Variants in PTPRD observed in about 807,000 individuals in gnomAD.
PTPRD encodes the protein protein tyrosine phosphatase receptor type D.
A neutral mutation model predicts 214.5 loss-of-function variants in PTPRD; 34 were observed. The ratio of observed to expected loss-of-function variants is 0.16; its 90% CI spans 0.12 to 0.21. PTPRD has a LOEUF of 0.21. PTPRD is among the 10% of genes least tolerant of loss of function. The probability of loss-of-function intolerance (pLI) is 1.00; values close to 1 mark genes in which losing one functional copy is unlikely to be tolerated. For missense variants in PTPRD, 2,545 were observed against 2,398.7 expected (o/e 1.06, Z -1.27); for synonymous variants, 1,128 against 845.7 (o/e 1.33, Z -5.79).
At chr9:8,399,803 C>T (rs752185492) in intron 36 of PTPRD, among the ~76,000 whole-genome samples, 4 of 152,120 alleles carry the variant, frequency 2.6e-5, no homozygotes, top group African/African-American at 4.8e-5. Context: ...TCTGGGCCTG[C>T]GTAGACTAAT....
intron 11 of PTPRD, among the ~76,000 whole-genome samples, chr9:8,770,779 T>A (rs10977289): frequency 0.11 from 16,461 of 151,978 alleles, 988 homozygotes; most frequent in Non-Finnish European, 0.13. Context: ...AAACGTCAAA[T>A]ATTCAAACTC....
At chr9:9,054,271 G>A (rs992434392) in intron 10 of PTPRD, among the ~76,000 whole-genome samples, 3 of 152,092 alleles carry the variant, frequency 2.0e-5, no homozygotes, top group Admixed American at 6.5e-5. Flanking sequence ...TCATTGTCAC[G>A]AATAAATGAG....
At chr9:8,658,718 T>A (rs1282888965) in intron 12 of PTPRD, among the ~76,000 whole-genome samples, 1 of 152,042 alleles carries the variant, frequency 6.6e-6, no homozygotes, top group Non-Finnish European at 1.5e-5. Context: ...TTCTCCTTTT[T>A]TTGTCCTTTT....
At chr9:10,301,919 A>G (rs935778336) in intron 3 of PTPRD, among the ~76,000 whole-genome samples, 11 of 152,120 alleles carry the variant, frequency 7.2e-5, no homozygotes, top group Non-Finnish European at 1.2e-4. Context: ...AAATACAGAG[A>G]ACACCACAAA....
At chr9:10,310,053 T>G (rs1269811843) in intron 3 of PTPRD, among the ~76,000 whole-genome samples, 1 of 152,094 alleles carries the variant, frequency 6.6e-6, no homozygotes, top group Non-Finnish European at 1.5e-5. Flanking sequence ...CTGGGAACTC[T>G]TCCTCACAAT....
intron 12 of PTPRD, among the ~76,000 whole-genome samples, chr9:8,720,456 T>C (rs1288063607): frequency 1.3e-5 from 2 of 152,112 alleles, no homozygotes; most frequent in Non-Finnish European, 2.9e-5. Context: ...GACTGCACCT[T>C]GATGAGAGGA....
rs865963758 is a variant in PTPRD, at chr9:10,123,646, G to A, written c.-544-89856C>T. On this transcript the variant is annotated intron_variant, in intron 3 of 45. Transcript: ENST00000381196. ...GACTTTTAAAAGATGAGGGAAAAAC[G>A]TGGGCAGATCAATAAAAGAACACCG... 6.6e-5 allele frequency among the ~76,000 whole-genome samples: 10 copies of A among 152,140 alleles called. No homozygotes were observed. In the East Asian group the frequency reaches 1.2e-3, roughly 18 times the overall value.
intron 3 of PTPRD, among the ~76,000 whole-genome samples, chr9:10,201,609 T>C (rs1310518882): frequency 6.6e-6 from 1 of 152,022 alleles, no homozygotes; most frequent in Non-Finnish European, 1.5e-5. Flanking sequence ...TGTGTGTATA[T>C]GAATTTTCTT....
In PTPRD at chr9:8,528,788, C is replaced by A; in HGVS notation, c.353-9G>T. 6.2e-7 allele frequency: 1 copy of A among 1,612,448 alleles called. No homozygotes were observed. Among genetic ancestry groups the A allele is most frequent in the East Asian group, 2.2e-5 (1 of 44,790 alleles). On this transcript the variant is annotated splice_polypyrimidine_tract_variant and intron_variant, in intron 14 of 45. Transcript: ENST00000381196. ...CCTGGGAATTTGATCTTCTGCAAGA[C>A]AAAAGGTGATAGAAACATTCAGTTA...
chr9:9,632,345 G>T (rs565862721), intron 7 of PTPRD, among the ~76,000 whole-genome samples: 1 of 148,936 alleles, frequency 6.7e-6, no homozygotes, highest in Non-Finnish European at 1.5e-5. Context: ...CCATTTACAT[G>T]AAATGTCCAG....
intron 5 of PTPRD, among the ~76,000 whole-genome samples, chr9:9,837,580 T>G (rs1039787851): frequency 2.0e-5 from 3 of 152,058 alleles, no homozygotes; most frequent in Non-Finnish European, 4.4e-5. Context: ...TTTTGACTTT[T>G]GATGGGGTAA....
intron 2 of PTPRD, among the ~76,000 whole-genome samples, chr9:10,418,448 C>CAT (rs2098514995): frequency 3.8e-5 from 1 of 26,646 alleles, no homozygotes; most frequent in Non-Finnish European, 6.0e-5. Context: ...TTCCCCTCTA[C>CAT]ACACACACAC....
chr9:8,481,495 A>G (rs552851616), intron 30 of PTPRD, among the ~76,000 whole-genome samples: 5 of 152,274 alleles, frequency 3.3e-5, no homozygotes, highest in African/African-American at 1.2e-4. Context: ...TGATTTTCTC[A>G]GCCATCTGCT....
intron 8 of PTPRD, among the ~76,000 whole-genome samples, chr9:9,443,582 G>C (rs368097365): frequency 6.6e-6 from 1 of 152,150 alleles, no homozygotes; most frequent in South Asian, 2.1e-4. Flanking sequence ...GGGTTGTTAC[G>C]TAAGAAGTCT....
intron 30 of PTPRD, among the ~76,000 whole-genome samples, chr9:8,477,419 T>C (rs921381320): frequency 6.6e-6 from 1 of 152,180 alleles, no homozygotes; most frequent in Non-Finnish European, 1.5e-5. Flanking sequence ...ACTGATTTCA[T>C]TTAATATGTT....
intron 8 of PTPRD, among the ~76,000 whole-genome samples, chr9:9,429,213 G>C (rs900372268): frequency 7.9e-5 from 12 of 152,136 alleles, no homozygotes; most frequent in African/African-American, 2.7e-4. Context: ...AAATGACAAA[G>C]GGGATATCAC....
At chr9:10,001,206 T>G (rs765764449) in intron 4 of PTPRD, among the ~76,000 whole-genome samples, 3 of 152,024 alleles carry the variant, frequency 2.0e-5, no homozygotes, top group Non-Finnish European at 2.9e-5. Flanking sequence ...CTGTATCAAT[T>G]TGACATCATC....
chr9:10,451,117 C>T (rs907232258), intron 2 of PTPRD, among the ~76,000 whole-genome samples: 3 of 151,714 alleles, frequency 2.0e-5, no homozygotes, highest in African/African-American at 7.3e-5. Flanking sequence ...TTTAAGTATA[C>T]GTATTTTGAT....
intron 8 of PTPRD, among the ~76,000 whole-genome samples, chr9:9,535,257 T>A (rs1222937792): frequency 6.6e-6 from 1 of 152,096 alleles, no homozygotes; most frequent in Non-Finnish European, 1.5e-5. Flanking sequence ...TGTAAACGAT[T>A]CTAGCTTTAT....
Sources: allele counts gnomAD v4.1 joint callset (sites outside exome capture counted in the v4.1 genomes callset), GRCh38; gene constraint gnomAD v4.1.1; transcripts MANE v1.5; gene names NCBI Gene and HGNC (gene_info 2026-07-23, HGNC 2026-07-21).